The following SDK1 variants were observed in gnomAD, a reference collection of about 807,000 sequenced individuals.
SDK1 encodes the protein sidekick cell adhesion molecule 1.
In SDK1, 157 loss-of-function variants were observed where a neutral mutation model predicts 245.5. The observed-to-expected ratio is 0.64, with a 90% CI of 0.56 to 0.73. SDK1 has a LOEUF of 0.73. Ranked by LOEUF, SDK1 falls within the 30% of genes least tolerant of loss-of-function variation. SDK1 has a pLI of 0.00. For synonymous variants in SDK1, 1,647 were observed against 1,278.5 expected, an observed-to-expected ratio of 1.29 and a Z score of -6.15; for missense variants, 3,583 against 3,002.3, an observed-to-expected ratio of 1.19 and a Z score of -4.52.
At chr7:3,403,027 C>A (rs946506068) in intron 1 of SDK1, among the ~76,000 whole-genome samples, 2 of 152,026 alleles carry the variant, frequency 1.3e-5, no homozygotes, top group African/African-American at 4.8e-5. Flanking sequence ...CTCTGCCTCC[C>A]GGGTTCAAGT....
Position 3,980,638 on chromosome 7 carries a change from A to G in SDK1, c.1994+6093A>G, listed in dbSNP as rs56897277. Among the ~76,000 whole-genome samples, 375 of 152,318 alleles carry G rather than the reference A, an allele frequency of 2.5e-3. 1 individual carries two copies. Among genetic ancestry groups the G allele is most frequent in the African/African-American group, 8.6e-3 (358 of 41,578 alleles). On this transcript the variant is annotated intron_variant, in intron 13 of 44. Transcript: ENST00000404826. ...CAAAGCTTCATTTTCCAAATAACCA[A>G]AACTTATCATTTAAAGAAATAGTGG... is the stretch of plus-strand genomic sequence containing the variant.
At chr7:4,162,359 T>TG (rs1781192645) in intron 32 of SDK1, among the ~76,000 whole-genome samples, 2 of 111,960 alleles carry the variant, frequency 1.8e-5, no homozygotes, top group Non-Finnish European at 3.8e-5. Flanking sequence ...TGGTGGTGGT[T>TG]GTTGTTGTTG....
intron 38 of SDK1, among the ~76,000 whole-genome samples, chr7:4,218,039 T>C (rs1341438787): frequency 1.3e-5 from 2 of 152,194 alleles, no homozygotes; most frequent in African/African-American, 4.8e-5. Flanking sequence ...CTCTGAGCAA[T>C]GGAAGGTCAG....
At chr7:3,524,976 C>G (rs185934500) in intron 1 of SDK1, among the ~76,000 whole-genome samples, 3 of 152,198 alleles carry the variant, frequency 2.0e-5, no homozygotes, top group Admixed American at 2.0e-4. Flanking sequence ...TGCACAGATT[C>G]AACCAATTGT....
At chr7:3,744,977 A>G (rs1335197377) in intron 4 of SDK1, among the ~76,000 whole-genome samples, 1 of 152,186 alleles carries the variant, frequency 6.6e-6, no homozygotes, top group African/African-American at 2.4e-5. Flanking sequence ...CTTCAATAGA[A>G]ATCAGTGATG....
intron 16 of SDK1, among the ~76,000 whole-genome samples, chr7:4,014,558 A>C (rs1279652317): frequency 2.0e-5 from 3 of 152,260 alleles, no homozygotes; most frequent in Non-Finnish European, 4.4e-5. Flanking sequence ...TCTCTGTGTC[A>C]GATCCGAGGC....
chr7:3,503,865 A>T (rs1338878342), intron 1 of SDK1, among the ~76,000 whole-genome samples: 2 of 152,012 alleles, frequency 1.3e-5, no homozygotes, highest in African/African-American at 2.4e-5. Context: ...AAATATGTAG[A>T]TAAAGGCAAG....
At chr7:4,258,064 C>A (rs1787736518) in intron 44 of SDK1, among the ~76,000 whole-genome samples, 1 of 152,184 alleles carries the variant, frequency 6.6e-6, no homozygotes, top group African/African-American at 2.4e-5. Flanking sequence ...TTCTTGGCAC[C>A]CACATGTGTC....
At chr7:4,148,345 G>A (rs560302864) in intron 29 of SDK1, among the ~76,000 whole-genome samples, 17 of 152,302 alleles carry the variant, frequency 1.1e-4, no homozygotes, top group African/African-American at 4.1e-4. Flanking sequence ...TCCTTCCGCC[G>A]CGGAACTTCT....
chr7:3,568,278 G>C (rs762028358), intron 1 of SDK1, among the ~76,000 whole-genome samples: 3 of 152,070 alleles, frequency 2.0e-5, no homozygotes, highest in Non-Finnish European at 2.9e-5. Flanking sequence ...ATTGTAGTCA[G>C]CTACTTTAGG....
intron 5 of SDK1, among the ~76,000 whole-genome samples, chr7:3,876,659 A>G (rs1781085261): frequency 1.3e-5 from 2 of 152,232 alleles, no homozygotes; most frequent in Admixed American, 6.5e-5. Flanking sequence ...ATACAATACT[A>G]TAGTAGACCT....
intron 4 of SDK1, among the ~76,000 whole-genome samples, chr7:3,677,713 A>G (rs1199204005): frequency 1.3e-5 from 2 of 152,244 alleles, no homozygotes; most frequent in Non-Finnish European, 2.9e-5. Flanking sequence ...ATATGTGAAT[A>G]TATATTTTAT....
At chr7:4,066,802 G>T (rs950094112) in intron 19 of SDK1, among the ~76,000 whole-genome samples, 1 of 152,236 alleles carries the variant, frequency 6.6e-6, no homozygotes, top group Non-Finnish European at 1.5e-5. Context: ...GGGCCCTGCT[G>T]TCCCTGAGTC....
chr7:3,647,681 C>G (rs987534212), intron 4 of SDK1, among the ~76,000 whole-genome samples: 2 of 152,278 alleles, frequency 1.3e-5, no homozygotes, highest in South Asian at 2.1e-4. Flanking sequence ...CCACCCGCCT[C>G]TGCCTCCCAA....
rs1307005613 is a variant in SDK1 at position 4,265,356 on chromosome 7, C to T, written c.6614C>T (p.Pro2205Leu). ...YTPAGPGART[P>L]LTGFSSFV ...CCCGCTGGCCCCGGCGCGCGAACTC[C>T]GCTCACCGGCTTCTCCTCCTTCGTG... The change falls in exon 45 of 45, where the codon CCG becomes CTG. Residue 2205 changes from proline to leucine, a missense_variant. Pro to Leu is a moderately conservative substitution (Grantham distance 98). Transcript: ENST00000404826. 7 of 1,453,950 alleles carry T rather than the reference C, an allele frequency of 4.8e-6. No individual in the cohort carries two copies. The highest frequency in any genetic ancestry group is 1.5e-5 in the African/African-American group (1 of 68,330). 90.1% of individuals were successfully genotyped at this position (1,453,950 alleles called of 1,614,324 possible).
chr7:3,680,868 G>T (rs1301382852), intron 4 of SDK1, among the ~76,000 whole-genome samples: 1 of 151,962 alleles, frequency 6.6e-6, no homozygotes, highest in African/African-American at 2.4e-5. Flanking sequence ...TTTTGAGATG[G>T]AGTCTCGCTC....
intron 1 of SDK1, among the ~76,000 whole-genome samples, chr7:3,479,849 G>A (rs951552643): frequency 3.2e-4 from 48 of 149,062 alleles, no homozygotes; most frequent in African/African-American, 1.0e-3. Context: ...GCATCAGAGC[G>A]AGAGTCCATC....
In SDK1 at chr7:3,607,909, G is replaced by T. The variant is rs1781471587; in HGVS notation, c.299-11171G>T. 2.0e-5 allele frequency among the ~76,000 whole-genome samples: 3 copies of T among 152,256 alleles called. No individual in the cohort carries two copies. In the South Asian group the frequency reaches 6.2e-4, roughly 32 times the overall value. On this transcript the variant is annotated intron_variant, in intron 1 of 44. Transcript: ENST00000404826. ...AGTCTAGAGCAGCAGTTCCCAAAGTGTGGTTCAAGAACCTGTGGCAGACCC... is the reference window on the plus strand; with the variant it reads ...AGTCTAGAGCAGCAGTTCCCAAAGTTTGGTTCAAGAACCTGTGGCAGACCC...
At chr7:3,848,239 T>G (rs920704462) in intron 5 of SDK1, among the ~76,000 whole-genome samples, 1 of 152,216 alleles carries the variant, frequency 6.6e-6, no homozygotes, top group Non-Finnish European at 1.5e-5. Context: ...ACGAGATGGA[T>G]TCAGGGGCAT....
Sources: allele counts gnomAD v4.1 joint callset (sites outside exome capture counted in the v4.1 genomes callset), GRCh38; gene constraint gnomAD v4.1.1; transcripts MANE v1.5; gene names NCBI Gene and HGNC (gene_info 2026-07-23, HGNC 2026-07-21).